PTPRD: variants seen among roughly 807,000 people sequenced by gnomAD.
PTPRD encodes receptor-type tyrosine-protein phosphatase delta.
Under a neutral mutation model 214.5 loss-of-function variants are expected in PTPRD, and 34 were observed. That is an observed-to-expected ratio of 0.16 (90% confidence interval 0.12 to 0.21). The LOEUF is 0.21. PTPRD is among the 10% of genes least tolerant of loss of function. The pLI, the probability that PTPRD is intolerant of heterozygous loss-of-function variation, is 1.00. For synonymous variants in PTPRD, 1,128 were observed against 845.7 expected, an observed-to-expected ratio of 1.33 and a Z score of -5.79; for missense variants, 2,545 against 2,398.7, an observed-to-expected ratio of 1.06 and a Z score of -1.27.
intron 11 of PTPRD, among the ~76,000 whole-genome samples, chr9:8,862,648 T>A (rs549726962): frequency 6.6e-6 from 1 of 151,582 alleles, no homozygotes; most frequent in South Asian, 2.1e-4. Context: ...TTTTGAGACA[T>A]GTTGTGCAAT....
At chr9:9,781,456 A>C (rs1197466745) in intron 5 of PTPRD, among the ~76,000 whole-genome samples, 1 of 152,194 alleles carries the variant, frequency 6.6e-6, no homozygotes, top group Non-Finnish European at 1.5e-5. Context: ...GTGACATTGG[A>C]AGAAGGAAAT....
intron 9 of PTPRD, among the ~76,000 whole-genome samples, chr9:9,192,225 A>C (rs150662003): frequency 1.4e-5 from 2 of 146,472 alleles, no homozygotes; most frequent in East Asian, 3.9e-4. Flanking sequence ...TAGCAAAGAT[A>C]AAAAAAAAGC....
chr9:8,645,774 C>G (rs1440302017), intron 12 of PTPRD, among the ~76,000 whole-genome samples: 1 of 151,878 alleles, frequency 6.6e-6, no homozygotes, highest in Admixed American at 6.6e-5. Context: ...GAAAGATTAC[C>G]TTCCAGCATC....
In PTPRD at chr9:8,499,658, C is replaced by T. The variant is rs2136804473; in HGVS notation, c.2311G>A (p.Ala771Thr). 1 of 1,613,090 alleles carries T rather than the reference C, an allele frequency of 6.2e-7. No homozygotes were observed. Among genetic ancestry groups the T allele is most frequent in the Non-Finnish European group, 8.5e-7 (1 of 1,179,532 alleles). ...GQPMLKDVML[A>T]DAQWEFDDTT... ...TTTCAGAGGCTTACCTGTGCATCAG[C>T]CAGCATGACATCTTTCAGCATGGGC... Residue 771 changes from alanine (A) to threonine (T), a missense_variant, in exon 25 of 46, where the codon GCT becomes ACT. Ala to Thr is a moderately conservative substitution (Grantham distance 58). Coordinates refer to ENST00000381196, the MANE Select transcript of PTPRD (RefSeq NM_002839.4).
chr9:9,287,333 C>A (rs544209215), intron 9 of PTPRD, among the ~76,000 whole-genome samples: 1 of 151,762 alleles, frequency 6.6e-6, no homozygotes, highest in Non-Finnish European at 1.5e-5. Flanking sequence ...ACTATTTCAT[C>A]GTCACCTTTT....
At chr9:10,327,021 T>C (rs892077898) in intron 3 of PTPRD, among the ~76,000 whole-genome samples, 2 of 151,460 alleles carry the variant, frequency 1.3e-5, no homozygotes, top group East Asian at 3.9e-4. Context: ...TTTTTTGTGG[T>C]TGTTTAATTT....
intron 14 of PTPRD, among the ~76,000 whole-genome samples, chr9:8,580,223 G>T (rs12684099): frequency 6.6e-6 from 1 of 152,032 alleles, no homozygotes; most frequent in South Asian, 2.1e-4. Context: ...AAAGGAACAA[G>T]GTAATATGCA....
At chr9:9,647,914 C>G (rs1390995787) in intron 7 of PTPRD, among the ~76,000 whole-genome samples, 1 of 152,156 alleles carries the variant, frequency 6.6e-6, no homozygotes. Context: ...GTCCCCAGAT[C>G]TCATACTTTA....
chr9:10,054,780 TAC>T (rs1183507150), intron 3 of PTPRD, among the ~76,000 whole-genome samples: 1 of 152,132 alleles, frequency 6.6e-6, no homozygotes, highest in Non-Finnish European at 1.5e-5. Flanking sequence ...TAAAGTTGAA[TAC>T]AGTCTTTTTC....
intron 11 of PTPRD, among the ~76,000 whole-genome samples, chr9:8,805,373 C>T (rs867881130): frequency 1.3e-5 from 2 of 152,098 alleles, no homozygotes; most frequent in South Asian, 4.1e-4. Flanking sequence ...TTGAAGGCAA[C>T]ATGAACATCA....
intron 7 of PTPRD, among the ~76,000 whole-genome samples, chr9:9,679,440 A>G (rs1377716622): frequency 1.3e-5 from 2 of 151,974 alleles, no homozygotes; most frequent in Non-Finnish European, 2.9e-5. Context: ...CTGAACTTTA[A>G]AAATAAATTA....
At chr9:9,403,146 C>T (rs1161247752) in intron 8 of PTPRD, among the ~76,000 whole-genome samples, 1 of 150,802 alleles carries the variant, frequency 6.6e-6, no homozygotes, top group East Asian at 2.0e-4. Context: ...AAAAAATTAG[C>T]TGGGTGTGGT....
At chr9:8,321,179 C>G (rs1272150660) in intron 44 of PTPRD, among the ~76,000 whole-genome samples, 3 of 151,904 alleles carry the variant, frequency 2.0e-5, no homozygotes, top group African/African-American at 7.2e-5. Context: ...GAAAGTCTCT[C>G]TTAGTTGTGA....
At chr9:9,643,447 C>G (rs1392356290) in intron 7 of PTPRD, among the ~76,000 whole-genome samples, 1 of 152,038 alleles carries the variant, frequency 6.6e-6, no homozygotes, top group Non-Finnish European at 1.5e-5. Context: ...TCATCTGCAC[C>G]TGTTATGGTG....
chr9:8,666,577 TC>T (rs2097174982), intron 12 of PTPRD, among the ~76,000 whole-genome samples: 1 of 152,216 alleles, frequency 6.6e-6, no homozygotes, highest in African/African-American at 2.4e-5. Context: ...ACTACCTTTT[TC>T]TCAATATCTA....
At chr9:8,652,172 A>C (rs1368543043) in intron 12 of PTPRD, among the ~76,000 whole-genome samples, 5 of 152,216 alleles carry the variant, frequency 3.3e-5, no homozygotes, top group Non-Finnish European at 2.9e-5. Context: ...ACTTTTTGAA[A>C]AACCTTCAAA....
intron 3 of PTPRD, among the ~76,000 whole-genome samples, chr9:10,274,286 G>A (rs62541415): frequency 0.17 from 26,443 of 152,018 alleles, 2,434 homozygotes; most frequent in Non-Finnish European, 0.2. Context: ...AAAACAGATT[G>A]ACTTGCTAGG....
chr9:9,425,402 TAATATAA>T (rs2080449841), intron 8 of PTPRD, among the ~76,000 whole-genome samples: 1 of 61,346 alleles, frequency 1.6e-5, no homozygotes, highest in Non-Finnish European at 3.6e-5. Flanking sequence ...ATATAATTTA[TAATATAA>T]AATATATAAT....
intron 21 of PTPRD, among the ~76,000 whole-genome samples, 163 bp downstream of exon 21, chr9:8,517,685 C>T (rs1391265538): frequency 6.6e-6 from 1 of 152,158 alleles, no homozygotes; most frequent in African/African-American, 2.4e-5. Context: ...TTTCAGATGT[C>T]CATGCTTGTT....
Sources: gnomAD v4.1 joint callset for allele counts (sites outside exome capture counted in the v4.1 genomes callset) on GRCh38, gnomAD v4.1.1 for gene constraint, MANE v1.5 for transcripts, NCBI Gene and HGNC (gene_info 2026-07-23, HGNC 2026-07-21) for gene names.